Variants in MIS18A observed in about 807,000 individuals in gnomAD.
The protein encoded by MIS18A is MIS18 kinetochore protein A.
A neutral mutation model predicts 25.0 loss-of-function variants in MIS18A; 14 were observed. The ratio of observed to expected loss-of-function variants is 0.56; its 90% confidence interval spans 0.37 to 0.88. The LOEUF is 0.88. Ranked by LOEUF, MIS18A falls within the 40% of genes least tolerant of loss-of-function variation. The probability of loss-of-function intolerance (pLI) is 0.00; values close to 1 mark genes in which losing one functional copy is unlikely to be tolerated. For synonymous variants in MIS18A, 134 were observed against 118.6 expected (o/e 1.13, Z -0.84); for missense variants, 292 against 290.8 (o/e 1.00, Z -0.03).
At chr21:32,261,154 G>A in the MIS18A span, 2 of 152,186 alleles carry the variant, frequency 1.3e-5, no homozygotes, top group African/African-American at 4.8e-5. Flanking sequence ...CAAACCCCAG[G>A]CCCCATGGCA....
At chr21:32,196,401 A>C in the MIS18A span, among the ~76,000 whole-genome samples, 12 of 151,632 alleles carry the variant, frequency 7.9e-5, no homozygotes, top group South Asian at 2.5e-3. Flanking sequence ...CCTGGTTCCC[A>C]GCTTGCTGCC....
the MIS18A span, among the ~76,000 whole-genome samples, chr21:32,227,250 A>G: frequency 6.6e-6 from 1 of 152,092 alleles, no homozygotes; most frequent in Non-Finnish European, 1.5e-5. Flanking sequence ...AAAGTAATAA[A>G]AATAAATCAA....
downstream of MIS18A, among the ~76,000 whole-genome samples, chr21:32,265,415 C>G (rs148399306): frequency 6.6e-6 from 1 of 152,204 alleles, no homozygotes. Context: ...TAGTGGGCCC[C>G]GCACTTGGAG....
the MIS18A span, among the ~76,000 whole-genome samples, chr21:32,216,129 G>A: frequency 2.0e-5 from 3 of 152,292 alleles, no homozygotes; most frequent in East Asian, 5.8e-4. Context: ...CCAAAGGCTT[G>A]CAACAATCTG....
At chr21:32,220,771 T>A in the MIS18A span, among the ~76,000 whole-genome samples, 1 of 151,886 alleles carries the variant, frequency 6.6e-6, no homozygotes, top group Non-Finnish European at 1.5e-5. Context: ...ATAACCAGTT[T>A]AGAGAAGAAC....
chr21:32,247,889 G>A, the MIS18A span, among the ~76,000 whole-genome samples: 1 of 152,160 alleles, frequency 6.6e-6, no homozygotes, highest in Non-Finnish European at 1.5e-5. Flanking sequence ...ATTCATATAG[G>A]CACCCAGTCC....
the MIS18A span, among the ~76,000 whole-genome samples, chr21:32,204,537 C>T: frequency 1.3e-5 from 2 of 151,414 alleles, no homozygotes; most frequent in South Asian, 4.2e-4. Context: ...CAATTATTAA[C>T]TCTGGGGAAA....
the MIS18A span, among the ~76,000 whole-genome samples, chr21:32,179,443 AC>A: frequency 8.0e-3 from 1,224 of 152,136 alleles, 21 homozygotes; most frequent in African/African-American, 0.028. Flanking sequence ...ACACATGCAC[AC>A]ACACACACAA....
At chr21:32,239,418 G>A in the MIS18A span, among the ~76,000 whole-genome samples, 29 of 152,198 alleles carry the variant, frequency 1.9e-4, no homozygotes, top group African/African-American at 5.5e-4. Flanking sequence ...AAAATTCCTC[G>A]GAACCTAGCT....
At chr21:32,222,751 G>A in the MIS18A span, among the ~76,000 whole-genome samples, 1 of 148 alleles carries the variant, frequency 6.8e-3, no homozygotes. Flanking sequence ...CTAACATGGT[G>A]AAACCTGTCT....
chr21:32,209,883 T>C, the MIS18A span, among the ~76,000 whole-genome samples: 6 of 152,222 alleles, frequency 3.9e-5, no homozygotes, highest in Non-Finnish European at 1.5e-5. Flanking sequence ...CGCAACCCTG[T>C]GGAACTGTGA....
chr21:32,270,439 G>C lies in MIS18A; in HGVS notation c.492C>G (p.Asp164Glu), dbSNP rs768096625. 2 of 1,613,806 alleles carry C rather than the reference G, an allele frequency of 1.2e-6. No homozygotes were observed. The highest frequency in any genetic ancestry group is 1.7e-5 in the Admixed American group (1 of 59,944). Residue 164 changes from aspartate to glutamate, a missense_variant, in exon 3 of 5, where the codon GAC becomes GAG. By Grantham distance (45) the Asp-to-Glu change is conservative. Transcript: ENST00000290130. ...TGGCTTCAACACTGAGGCAAAACAA[G>C]TCTCTCTTGTAATCAAGATTCTTGG... ...CTPKNLDYKR[D>E]LFCLSVEAIE... is the part of the protein sequence containing the mutation.
At chr21:32,180,531 GC>G in the MIS18A span, among the ~76,000 whole-genome samples, 1 of 152,144 alleles carries the variant, frequency 6.6e-6, no homozygotes, top group Admixed American at 6.5e-5. Context: ...CACTATCACA[GC>G]TGCAATACAC....
the MIS18A span, among the ~76,000 whole-genome samples, chr21:32,176,437 C>A: frequency 6.6e-6 from 1 of 152,090 alleles, no homozygotes; most frequent in Non-Finnish European, 1.5e-5. Flanking sequence ...TTATGTGGTG[C>A]ACAACTTTAG....
chr21:32,254,106 C>T, the MIS18A span, among the ~76,000 whole-genome samples: 1 of 152,194 alleles, frequency 6.6e-6, no homozygotes, highest in African/African-American at 2.4e-5. Flanking sequence ...TGGTGTGTGC[C>T]TGTAGTCCCA....
At chr21:32,157,171 T>G in the MIS18A span, among the ~76,000 whole-genome samples, 2 of 148,586 alleles carry the variant, frequency 1.3e-5, no homozygotes, top group African/African-American at 4.9e-5. Flanking sequence ...TTTTCCTGCC[T>G]CAGCCTCCTG....
the MIS18A span, among the ~76,000 whole-genome samples, chr21:32,254,364 T>C: frequency 6.6e-6 from 1 of 151,310 alleles, no homozygotes; most frequent in African/African-American, 2.4e-5. Flanking sequence ...ACCCTGTCTC[T>C]AAAAATACAA....
At chr21:32,188,724 AG>A in the MIS18A span, among the ~76,000 whole-genome samples, 1 of 152,224 alleles carries the variant, frequency 6.6e-6, no homozygotes, top group Admixed American at 6.5e-5. Context: ...GGGCAGTGAC[AG>A]GCTGGGCACA....
At chr21:32,263,640 A>T (rs2031545949), downstream of MIS18A, among the ~76,000 whole-genome samples, 1 of 151,122 alleles carries the variant, frequency 6.6e-6, no homozygotes, top group Admixed American at 6.6e-5. Context: ...GGCTAACTTT[A>T]AAAAAAAATG....
Sources: allele counts gnomAD v4.1 joint callset (sites outside exome capture counted in the v4.1 genomes callset), GRCh38; gene constraint gnomAD v4.1.1; transcripts MANE v1.5; gene names NCBI Gene and HGNC (gene_info 2026-07-23, HGNC 2026-07-21).